The following SNED1 variants were observed in gnomAD, a reference collection of about 807,000 sequenced individuals.
The protein encoded by SNED1 is sushi, nidogen and EGF-like domain-containing protein 1.
SNED1 carries 81 observed loss-of-function variants against 166.7 expected under a neutral mutation model. The observed-to-expected ratio is 0.49, with a 90% confidence interval of 0.41 to 0.58. The LOEUF (loss-of-function observed/expected upper bound fraction) is 0.58. Ranked by LOEUF, SNED1 falls within the 20% of genes least tolerant of loss-of-function variation. The pLI is 0.00. For missense variants in SNED1, 1,604 were observed against 2,000.2 expected (o/e 0.80, Z 3.78); for synonymous variants, 762 against 822.0 (o/e 0.93, Z 1.25).
chr2:241,028,862 T>A (rs866136199), intron 1 of SNED1, among the ~76,000 whole-genome samples: 1 of 152,226 alleles, frequency 6.6e-6, no homozygotes, highest in African/African-American at 2.4e-5. Flanking sequence ...TTCTGTCTAT[T>A]CCTCTTGGTG....
rs975703203 is a variant in SNED1, at chr2:241,068,729, C to T, written c.3195-182C>T. Among the ~76,000 whole-genome samples the T allele has an allele frequency of 2.0e-5, 3 of 152,314 alleles. No homozygotes were observed. Among genetic ancestry groups the T allele is most frequent in the South Asian group, 2.1e-4 (1 of 4,826 alleles). ...CTGCCCGGACTATGGGTTGGCTTCCCGCCCTAGGAGCACACGGCTCTGAGG... is the reference window on the plus strand; with the variant it reads ...CTGCCCGGACTATGGGTTGGCTTCCTGCCCTAGGAGCACACGGCTCTGAGG... On this transcript the variant is annotated intron_variant, in intron 22 of 31. Transcript: ENST00000310397. The surrounding 1 kb of genome is among the most constrained non-coding windows in gnomAD (Gnocchi z 5.3).
chr2:240,998,864 G>A lies in SNED1; in HGVS notation c.27G>A (p.Leu9=). The change falls in exon 1 of 32, where the codon CTG becomes CTA. Residue 9 remains leucine, a synonymous_variant. Coordinates refer to ENST00000310397, the MANE Select transcript of SNED1 (RefSeq NM_001080437.3). ...TGCGGCACGGCGTCGCCTGGGCGCT[G>A]CTGGTGGCCGCGGCCCTGGGGCTTG... The part of the protein sequence containing the change: MRHGVAWA[L]LVAAALGLGA... 3 of 1,209,364 alleles carry A rather than the reference G, an allele frequency of 2.5e-6. No individual in the cohort carries two copies. Among genetic ancestry groups the A allele is most frequent in the Non-Finnish European group, 3.1e-6 (3 of 976,282 alleles). The allele number at this position is 1,209,364 out of a possible 1,614,324, so 74.9% of individuals were successfully genotyped here.
At chr2:241,024,352 TCTC>T (rs2060877978) in intron 1 of SNED1, among the ~76,000 whole-genome samples, 1 of 144,538 alleles carries the variant, frequency 6.9e-6, no homozygotes, top group African/African-American at 2.5e-5. Flanking sequence ...TTCAAGCAAT[TCTC>T]CTGCCTCAGC....
chr2:241,081,819 G>A (rs775766234), intron 28 of SNED1, 26 bp downstream of exon 28: 20 of 1,514,082 alleles, frequency 1.3e-5, no homozygotes, highest in African/African-American at 2.8e-5. Flanking sequence ...GCCTCAGGGC[G>A]CCCCTTCCAA....
rs12995841 is a variant in SNED1 at position 241,063,190 on chromosome 2, C to G, written c.2371+286C>G. Among the ~76,000 whole-genome samples the G allele has an allele frequency of 0.16, 25,008 of 152,230 alleles. 2,362 individuals are homozygous for G. The highest frequency in any genetic ancestry group is 0.43 in the East Asian group (2,240 of 5,166). On this transcript the variant is annotated intron_variant, in intron 17 of 31. Transcript: ENST00000310397. Reference sequence around the variant, plus strand: ...CAGGTCACAGTCTCTGACACCTGGTCGGTGCTTCCAGCCAGTGGAGGGAGG... The same window carrying G: ...CAGGTCACAGTCTCTGACACCTGGTGGGTGCTTCCAGCCAGTGGAGGGAGG...
intron 1 of SNED1, among the ~76,000 whole-genome samples, chr2:241,030,011 C>G (rs1344909797): frequency 1.3e-5 from 2 of 152,250 alleles, no homozygotes; most frequent in African/African-American, 4.8e-5. Flanking sequence ...CCCCCTATAG[C>G]AGCCAACCAG....
intron 6 of SNED1, among the ~76,000 whole-genome samples, chr2:241,039,105 T>A (rs2061452362): frequency 6.6e-6 from 1 of 152,180 alleles, no homozygotes; most frequent in Admixed American, 6.5e-5. Flanking sequence ...CCTTCCCGCC[T>A]CGACCCCCCA....
intron 16 of SNED1, among the ~76,000 whole-genome samples, chr2:241,053,575 G>A (rs1306840770): frequency 6.6e-6 from 1 of 152,232 alleles, no homozygotes; most frequent in East Asian, 1.9e-4. Flanking sequence ...CGGAGCAGGA[G>A]GTCAAACACC....
Position 241,071,896 on chromosome 2 carries a change from C to A in SNED1, c.3817+18C>A. ...GAGATCACGTGAGTGCCAGGGCCTC[C>A]CCACCCACCTTGGTGGCCCACCCTC... is the stretch of plus-strand genomic sequence containing the variant. On this transcript the variant is annotated intron_variant, in intron 26 of 31. Transcript: ENST00000310397. 1 of 1,583,640 alleles carries A rather than the reference C, an allele frequency of 6.3e-7. No homozygotes were observed. Among genetic ancestry groups the A allele is most frequent in the Non-Finnish European group, 8.6e-7 (1 of 1,164,588 alleles).
intron 1 of SNED1, among the ~76,000 whole-genome samples, chr2:241,026,342 C>A (rs1028540981): frequency 1.3e-5 from 2 of 152,152 alleles, no homozygotes; most frequent in Non-Finnish European, 2.9e-5. Flanking sequence ...GCTAGTGAAT[C>A]AGTGGGATTG....
Position 241,064,721 on chromosome 2 carries a change from C to T in SNED1, c.2600-123C>T, listed in dbSNP as rs537891124. ...AGAACCGAAGGGAGGCAGTAGCTGTCCTGTGCCCCCCGCCCCTCCACACCC... is the reference window on the plus strand; with the variant it reads ...AGAACCGAAGGGAGGCAGTAGCTGTTCTGTGCCCCCCGCCCCTCCACACCC... On this transcript the variant is annotated intron_variant, in intron 19 of 31. Coordinates refer to ENST00000310397, the MANE Select transcript of SNED1 (RefSeq NM_001080437.3). The surrounding 1 kb of genome is among the most constrained non-coding windows in gnomAD (Gnocchi z 7.0). 9.7e-5 allele frequency: 64 copies of T among 660,132 alleles called. No homozygotes were observed. In the South Asian group the frequency reaches 1.1e-3, roughly 11 times the overall value. 40.9% of individuals were successfully genotyped at this position (660,132 alleles called of 1,614,324 possible).
chr2:241,079,895 T>C (rs1033879879), intron 27 of SNED1, among the ~76,000 whole-genome samples: 1 of 152,228 alleles, frequency 6.6e-6, no homozygotes, highest in Non-Finnish European at 1.5e-5. Flanking sequence ...TTTGAAATGA[T>C]TGCATGTATA....
Position 241,070,092 on chromosome 2 carries a change from G to A in SNED1, c.3480G>A (p.Thr1160=), listed in dbSNP as rs202135455. ...YVPNGKLASY[T]VRDLLPGRRY... ...CCAACGGGAAGCTGGCGTCCTACAC[G>A]GTGCGCGACCTGCTGCCGGGACGGC... Residue 1160 remains threonine, a synonymous_variant, in exon 24 of 32, where the codon ACG becomes ACA. Transcript: ENST00000310397. 2.7e-4 allele frequency: 428 copies of A among 1,613,048 alleles called. 1 individual carries two copies. The highest frequency in any genetic ancestry group is 2.9e-4 in the Non-Finnish European group (344 of 1,179,884).
chr2:241,084,986 C>CCTG (rs2063510663), intron 29 of SNED1, among the ~76,000 whole-genome samples: 1 of 152,126 alleles, frequency 6.6e-6, no homozygotes. Context: ...GACAAGAAGA[C>CCTG]TGCAGTCATT....
chr2:241,070,919 C>T (rs372790986), intron 24 of SNED1, among the ~76,000 whole-genome samples: 2 of 152,340 alleles, frequency 1.3e-5, no homozygotes, highest in South Asian at 2.1e-4. Context: ...ACCCCAGGCT[C>T]CTCCCCAACC....
Position 241,071,781 on chromosome 2 carries a change from C to G in SNED1, c.3735-15C>G, listed in dbSNP as rs1327294428. 12 of 1,584,372 alleles carry G rather than the reference C, an allele frequency of 7.6e-6. No homozygotes were observed. Among genetic ancestry groups the G allele is most frequent in the African/African-American group, 1.3e-5 (1 of 74,346 alleles). On this transcript the variant is annotated splice_polypyrimidine_tract_variant and intron_variant, in intron 25 of 31. Coordinates refer to ENST00000310397, the MANE Select transcript of SNED1 (RefSeq NM_001080437.3). ...CGGCGCTCGGACTGTGGTGACCCTC[C>G]CACCCTCTCTGCAGGTTCTCGGAGC...
chr2:241,050,907 G>A (rs1392256488), intron 12 of SNED1, among the ~76,000 whole-genome samples: 1 of 152,166 alleles, frequency 6.6e-6, no homozygotes, highest in South Asian at 2.1e-4. Context: ...CAAAGGTTCT[G>A]TGCCCGCCCC....
rs1205282871 is a variant in SNED1, at chr2:241,064,564, A to ACTG, written c.2600-279_2600-277dup. Among the ~76,000 whole-genome samples, 10 of 152,114 alleles carry ACTG rather than the reference A, an allele frequency of 6.6e-5. No homozygotes were observed. The highest frequency in any genetic ancestry group is 1.3e-4 in the Non-Finnish European group (9 of 68,018). ...CACTGACCTCCCCTCCTCAAGCAGG[A>ACTG]CTGTCACTGGGGTGGTGGCCTGTCC... On this transcript the variant is annotated intron_variant, in intron 19 of 31. Transcript: ENST00000310397. This position sits in a 1 kb window ranked among gnomAD's most constrained non-coding sequence, Gnocchi z 7.0.
Position 241,030,278 on chromosome 2 carries a change from TC to T in SNED1, c.214-3del. ...TCAATCCCCGCTCTGGCTTTCTGCC[TC>T]CCAGGTGAACAACAACGGGATCATC... On this transcript the variant is annotated splice_region_variant and splice_polypyrimidine_tract_variant and intron_variant, in intron 1 of 31. Transcript: ENST00000310397. The T allele has an allele frequency of 1.9e-6, 3 of 1,571,018 alleles. No homozygotes were observed. Among genetic ancestry groups the T allele is most frequent in the Admixed American group, 1.8e-5 (1 of 56,624 alleles).
Sources: gnomAD v4.1 joint callset for allele counts (sites outside exome capture counted in the v4.1 genomes callset) on GRCh38, gnomAD v4.1.1 for gene constraint, Gnocchi (gnomAD v3.1) non-coding constraint, MANE v1.5 for transcripts, NCBI Gene and HGNC (gene_info 2026-07-23, HGNC 2026-07-21) for gene names.